The following GREB1L variants were observed in gnomAD, a reference collection of about 807,000 sequenced individuals.
GREB1L encodes the protein GREB1-like protein.
A neutral mutation model predicts 200.8 loss-of-function variants in GREB1L; 17 were observed. The ratio of observed to expected loss-of-function variants is 0.08; its 90% confidence interval spans 0.06 to 0.13. The LOEUF (loss-of-function observed/expected upper bound fraction) is 0.13, where lower values mean the gene tolerates loss of function less well. GREB1L is among the 10% of genes least tolerant of loss of function. The pLI, the probability that GREB1L is intolerant of heterozygous loss-of-function variation, is 1.00. For missense variants in GREB1L, 1,657 were observed against 2,367.7 expected (o/e 0.70, Z 6.23); for synonymous variants, 789 against 893.0 (o/e 0.88, Z 2.08).
At chr18:21,362,782 T>C (rs2039598520) in intron 1 of GREB1L, among the ~76,000 whole-genome samples, 1 of 152,222 alleles carries the variant, frequency 6.6e-6, no homozygotes, top group African/African-American at 2.4e-5. Flanking sequence ...TCCTATTCTG[T>C]CTGATAGTTT....
chr18:21,446,014 G>T (rs542331233), intron 11 of GREB1L, among the ~76,000 whole-genome samples: 1 of 152,080 alleles, frequency 6.6e-6, no homozygotes, highest in Non-Finnish European at 1.5e-5. Flanking sequence ...CAGTTTGTTT[G>T]TTTGTTTGAT....
chr18:21,448,197 A>G (rs1660305968), intron 11 of GREB1L, among the ~76,000 whole-genome samples: 1 of 151,582 alleles, frequency 6.6e-6, no homozygotes, highest in African/African-American at 2.4e-5. Flanking sequence ...CATAGAAGAA[A>G]CACAGACATA....
At chr18:21,344,127 T>C (rs866060403) in intron 1 of GREB1L, among the ~76,000 whole-genome samples, 3 of 152,004 alleles carry the variant, frequency 2.0e-5, no homozygotes, top group Non-Finnish European at 2.9e-5. Flanking sequence ...TGAGGCTGGG[T>C]GCGGTGGCTC....
intron 1 of GREB1L, among the ~76,000 whole-genome samples, chr18:21,278,472 T>TA (rs1316933007): frequency 6.6e-6 from 1 of 151,926 alleles, no homozygotes; most frequent in Non-Finnish European, 1.5e-5. Flanking sequence ...AGTTTAGTGG[T>TA]AAATGTTGAG....
At chr18:21,257,215 G>A (rs1488223539) in intron 1 of GREB1L, among the ~76,000 whole-genome samples, 3 of 151,884 alleles carry the variant, frequency 2.0e-5, no homozygotes, top group Non-Finnish European at 2.9e-5. Flanking sequence ...TGATCCGCCC[G>A]CCTCGGCTTC....
chr18:21,386,044 TGA>T (rs1332514339), intron 4 of GREB1L, among the ~76,000 whole-genome samples: 2 of 152,106 alleles, frequency 1.3e-5, no homozygotes, highest in African/African-American at 4.8e-5. Context: ...CATGAGAATA[TGA>T]GAGTGTATGG....
At chr18:21,468,351 C>G (rs2035348576) in intron 15 of GREB1L, among the ~76,000 whole-genome samples, 1 of 152,022 alleles carries the variant, frequency 6.6e-6, no homozygotes, top group Non-Finnish European at 1.5e-5. Context: ...TATAGAGACA[C>G]AAAGTAGACT....
intron 7 of GREB1L, among the ~76,000 whole-genome samples, chr18:21,410,466 G>A (rs1241547361): frequency 6.6e-6 from 1 of 151,772 alleles, no homozygotes; most frequent in Non-Finnish European, 1.5e-5. Flanking sequence ...GACCAGCCTG[G>A]GCAACATGGC....
Position 21,394,961 on chromosome 18 carries a change from G to A in GREB1L, c.356-424G>A, listed in dbSNP as rs369830643. 1.1e-3 allele frequency among the ~76,000 whole-genome samples: 160 copies of A among 147,390 alleles called. No homozygotes were observed. The Middle Eastern group carries it at 0.014, about 13-fold the overall frequency. On this transcript the variant is annotated intron_variant, in intron 4 of 32. Coordinates refer to ENST00000424526, the MANE Select transcript of GREB1L (RefSeq NM_001142966.3). ...AAAAAAAAAAAAAAAAAAATTAGCC[G>A]GGTGTGGTGGCGCACACGCCTGTAA...
At chr18:21,503,540 GTGCCTGCAAC>G (rs1485695744) in intron 23 of GREB1L, among the ~76,000 whole-genome samples, 3 of 150,306 alleles carry the variant, frequency 2.0e-5, no homozygotes, top group Non-Finnish European at 4.4e-5. Flanking sequence ...CACCAGCTGC[GTGCCTGCAAC>G]TGTCTTGGCA....
intron 1 of GREB1L, among the ~76,000 whole-genome samples, chr18:21,337,595 C>T (rs539184271): frequency 6.6e-6 from 1 of 152,238 alleles, no homozygotes; most frequent in East Asian, 1.9e-4. Context: ...TTAAGAGGCA[C>T]CATAACTGAT....
intron 1 of GREB1L, among the ~76,000 whole-genome samples, chr18:21,273,513 T>G (rs2038112096): frequency 6.6e-6 from 1 of 152,176 alleles, no homozygotes; most frequent in Admixed American, 6.5e-5. Context: ...CAACCAACAT[T>G]CAGTGAGTTC....
intron 7 of GREB1L, among the ~76,000 whole-genome samples, chr18:21,436,549 G>A (rs1237359268): frequency 2.0e-5 from 3 of 152,068 alleles, no homozygotes; most frequent in African/African-American, 7.2e-5. Flanking sequence ...CGGGAGGATG[G>A]CTTGAGCCTG....
chr18:21,464,890 A>T (rs1428599010), intron 15 of GREB1L, among the ~76,000 whole-genome samples: 1 of 152,250 alleles, frequency 6.6e-6, no homozygotes, highest in African/African-American at 2.4e-5. Context: ...TAAAAAGAAA[A>T]AAGGTAAAAG....
At chr18:21,250,751 G>A (rs975650368) in intron 1 of GREB1L, among the ~76,000 whole-genome samples, 2 of 152,174 alleles carry the variant, frequency 1.3e-5, no homozygotes, top group African/African-American at 4.8e-5. Context: ...AGAGGGTGGG[G>A]GAACCTTTTC....
chr18:21,522,836 C>G lies in GREB1L; in HGVS notation c.*15C>G. ...GTCATGTATGAGCTTTTGAAGAGAC[C>G]AAAACAGCAAAAAGATGCCTAGGTG... On this transcript the variant is annotated 3_prime_UTR_variant, in exon 33 of 33. Coordinates refer to ENST00000424526, the MANE Select transcript of GREB1L (RefSeq NM_001142966.3). 6.5e-7 allele frequency: 1 copy of G among 1,528,066 alleles called. No homozygotes were observed. Among genetic ancestry groups the G allele is most frequent in the South Asian group, 1.2e-5 (1 of 80,146 alleles). The allele number at this position is 1,528,066 out of a possible 1,614,324, so 94.7% of individuals were successfully genotyped here.
chr18:21,401,866 C>T (rs1440317973), intron 6 of GREB1L: 2 of 152,232 alleles, frequency 1.3e-5, no homozygotes, highest in Non-Finnish European at 1.5e-5. Flanking sequence ...TCTTCATGTG[C>T]TTGACAGGAT....
At chr18:21,324,716 A>G (rs2038997152) in intron 1 of GREB1L, among the ~76,000 whole-genome samples, 1 of 152,240 alleles carries the variant, frequency 6.6e-6, no homozygotes, top group Non-Finnish European at 1.5e-5. Flanking sequence ...AGGCTGAGGC[A>G]GGAGAATGGC....
chr18:21,509,158 G>C (rs1434406286), intron 27 of GREB1L, among the ~76,000 whole-genome samples: 1 of 152,210 alleles, frequency 6.6e-6, no homozygotes, highest in Non-Finnish European at 1.5e-5. Context: ...GGCCAGTCTT[G>C]TTGTATGTAT....
Sources: gnomAD v4.1 joint callset for allele counts (sites outside exome capture counted in the v4.1 genomes callset) on GRCh38, gnomAD v4.1.1 for gene constraint, MANE v1.5 for transcripts, NCBI Gene and HGNC (gene_info 2026-07-23, HGNC 2026-07-21) for gene names.